Variants in COL24A1 observed in about 807,000 individuals in gnomAD.
The protein encoded by COL24A1 is collagen type XXIV alpha 1 chain, also known as collagen alpha-1(XXIV) chain.
A neutral mutation model predicts 253.9 loss-of-function variants in COL24A1; 224 were observed. The ratio of observed to expected loss-of-function variants is 0.88; its 90% confidence interval spans 0.79 to 0.99. The LOEUF (loss-of-function observed/expected upper bound fraction) is 0.99, where lower values mean the gene tolerates loss of function less well. Ranked by LOEUF, COL24A1 falls within the 50% of genes least tolerant of loss-of-function variation. The pLI is 0.00. For synonymous variants in COL24A1, 685 were observed against 673.7 expected, an observed-to-expected ratio of 1.02 and a Z score of -0.26; for missense variants, 2,131 against 2,068.5, an observed-to-expected ratio of 1.03 and a Z score of -0.59.
chr1:85,972,336 T>G (rs573444), intron 20 of COL24A1, among the ~76,000 whole-genome samples: 82,679 of 151,792 alleles, frequency 0.54, 22,770 homozygotes, highest in Admixed American at 0.59. Flanking sequence ...TGGGAATCTT[T>G]CCTTCATGTT....
intron 47 of COL24A1, among the ~76,000 whole-genome samples, chr1:85,804,274 T>C (rs746615396): frequency 6.6e-6 from 1 of 152,108 alleles, no homozygotes; most frequent in Non-Finnish European, 1.5e-5. Context: ...AGAGGGAAGA[T>C]ACAGGTAGTG....
intron 2 of COL24A1, among the ~76,000 whole-genome samples, chr1:86,132,722 T>C (rs1031451652): frequency 2.6e-5 from 4 of 152,212 alleles, no homozygotes; most frequent in Non-Finnish European, 5.9e-5. Flanking sequence ...TCCATTGGTC[T>C]ATATCTCTGT....
intron 53 of COL24A1, among the ~76,000 whole-genome samples, chr1:85,764,372 A>C (rs375694489): frequency 5.3e-5 from 8 of 152,104 alleles, no homozygotes; most frequent in East Asian, 3.9e-4. Flanking sequence ...CACAAGTCAT[A>C]GGGCGTGACT....
intron 22 of COL24A1, among the ~76,000 whole-genome samples, chr1:85,965,502 T>C (rs1328654476): frequency 6.6e-6 from 1 of 152,144 alleles, no homozygotes; most frequent in East Asian, 1.9e-4. Context: ...AGATTACTTG[T>C]ATTCTTACTG....
rs114680258 is a variant in COL24A1 at position 85,800,789 on chromosome 1, A to G, written c.3952-14328T>C. On this transcript the variant is annotated intron_variant, in intron 47 of 59. Coordinates refer to ENST00000370571, the MANE Select transcript of COL24A1 (RefSeq NM_152890.7). Reference sequence around the variant, plus strand: ...AAATCCCCATTTGAAGATGAATATAACTAATTGATCAGGCCTAGGTCAGAG... The same window carrying G: ...AAATCCCCATTTGAAGATGAATATAGCTAATTGATCAGGCCTAGGTCAGAG... Among the ~76,000 whole-genome samples, 751 of 152,286 alleles carry G rather than the reference A, an allele frequency of 4.9e-3. 6 individuals are homozygous for G. The highest frequency in any genetic ancestry group is 0.016 in the African/African-American group (668 of 41,548).
intron 1 of COL24A1, among the ~76,000 whole-genome samples, chr1:86,152,789 G>A (rs928802802): frequency 2.0e-5 from 3 of 152,178 alleles, no homozygotes; most frequent in African/African-American, 7.2e-5. Flanking sequence ...GCACATACTA[G>A]TGTTAGATAA....
intron 12 of COL24A1, among the ~76,000 whole-genome samples, chr1:86,037,982 T>C (rs1026970942): frequency 4.6e-5 from 7 of 152,160 alleles, no homozygotes; most frequent in Non-Finnish European, 7.4e-5. Context: ...AATTTTTATA[T>C]TTACTTTTTT....
rs370678164 is a variant in COL24A1 at position 85,851,614 on chromosome 1, G to A, written c.3301-2208C>T. The stretch of plus-strand genomic sequence containing the variant: ...TTCATATTTCCTATAATGCTTGATC[G>A]TATGAGACTTAAAATGGGTGCAGAA... On this transcript the variant is annotated intron_variant, in intron 37 of 59. Coordinates refer to ENST00000370571, the MANE Select transcript of COL24A1 (RefSeq NM_152890.7). Among the ~76,000 whole-genome samples the A allele has an allele frequency of 2.3e-3, 349 of 152,116 alleles. 2 individuals carry two copies. The highest frequency in any genetic ancestry group is 7.3e-3 in the African/African-American group (302 of 41,504).
In COL24A1 at chr1:86,022,987, T is replaced by A. The variant is rs1369543722; in HGVS notation, c.2070A>T (p.Gly690=). The A allele has an allele frequency of 6.2e-7, 1 of 1,612,992 alleles. No individual in the cohort carries two copies. Among genetic ancestry groups the A allele is most frequent in the Admixed American group, 1.7e-5 (1 of 59,914 alleles). The part of the protein sequence containing the change: ...PGLRGSVGPV[G]PIGPAGIPGP... ...CAGGAATTCCAGCAGGTCCAATTGGTCCCACAGGGCCAACACTGCCCTGGA... is the reference window on the plus strand; with the variant it reads ...CAGGAATTCCAGCAGGTCCAATTGGACCCACAGGGCCAACACTGCCCTGGA... The change falls in exon 15 of 60, where the codon GGA becomes GGT. Residue 690 remains glycine (G), a synonymous_variant. Coordinates refer to ENST00000370571, the MANE Select transcript of COL24A1 (RefSeq NM_152890.7).
At chr1:85,834,201 A>G (rs375588822) in intron 43 of COL24A1, among the ~76,000 whole-genome samples, 20 of 152,246 alleles carry the variant, frequency 1.3e-4, no homozygotes, top group African/African-American at 4.8e-4. Flanking sequence ...GATTCCAGAA[A>G]CATTTAAGAA....
intron 47 of COL24A1, among the ~76,000 whole-genome samples, chr1:85,794,260 T>A (rs1232593770): frequency 6.6e-6 from 1 of 152,174 alleles, no homozygotes; most frequent in African/African-American, 2.4e-5. Context: ...TAGAACCATT[T>A]TGCCTCACTT....
At chr1:85,841,343 C>A in intron 41 of COL24A1, 65 bp from the exon 42 acceptor site, 1 of 1,123,740 alleles carries the variant, frequency 8.9e-7, no homozygotes, top group South Asian at 1.5e-5. Flanking sequence ...AAACACACAA[C>A]CTACTATTTT....
chr1:86,133,762 T>C (rs187828716), intron 2 of COL24A1, among the ~76,000 whole-genome samples: 58 of 152,086 alleles, frequency 3.8e-4, no homozygotes, highest in African/African-American at 1.4e-3. Context: ...CAGTATTTTA[T>C]TGAGGATGTT....
chr1:86,115,393 G>T lies in COL24A1; in HGVS notation c.1492-15C>A. The T allele has an allele frequency of 6.2e-7, 1 of 1,612,852 alleles. No individual in the cohort carries two copies. Among genetic ancestry groups the T allele is most frequent in the Non-Finnish European group, 8.5e-7 (1 of 1,179,090 alleles). On this transcript the variant is annotated splice_polypyrimidine_tract_variant and intron_variant, in intron 3 of 59. Coordinates refer to ENST00000370571, the MANE Select transcript of COL24A1 (RefSeq NM_152890.7). Reference sequence around the variant, plus strand: ...CCAGGTGGACCCTTGGAAAACAAATGTCAAGACATTAGGCATGATAGTGGA... The same window carrying T: ...CCAGGTGGACCCTTGGAAAACAAATTTCAAGACATTAGGCATGATAGTGGA...
chr1:86,120,300 T>A (rs555468993), intron 3 of COL24A1, among the ~76,000 whole-genome samples: 5 of 152,092 alleles, frequency 3.3e-5, no homozygotes, highest in Non-Finnish European at 1.5e-5. Context: ...TGGGATCTAA[T>A]TAAACTCAAG....
intron 24 of COL24A1, among the ~76,000 whole-genome samples, chr1:85,923,939 G>A (rs970809350): frequency 2.6e-5 from 4 of 151,900 alleles, no homozygotes; most frequent in Non-Finnish European, 5.9e-5. Flanking sequence ...TAATAAAGAA[G>A]AAAAGAGAGA....
intron 2 of COL24A1, among the ~76,000 whole-genome samples, chr1:86,135,474 T>C (rs1205559783): frequency 6.6e-6 from 1 of 152,094 alleles, no homozygotes; most frequent in African/African-American, 2.4e-5. Flanking sequence ...GAATCATTGT[T>C]GTCTTCTATA....
intron 53 of COL24A1, among the ~76,000 whole-genome samples, chr1:85,773,556 T>C (rs957920631): frequency 1.3e-5 from 2 of 152,200 alleles, no homozygotes; most frequent in African/African-American, 4.8e-5. Context: ...TGAGTAGTGG[T>C]TTGTAGTTCT....
intron 24 of COL24A1, 58 bp downstream of exon 24, chr1:85,961,191 T>C (rs1342526913): frequency 8.0e-7 from 1 of 1,246,698 alleles, no homozygotes; most frequent in African/African-American, 1.5e-5. Context: ...TCATGGCTAA[T>C]ATGATTCCTA....
Sources: allele counts gnomAD v4.1 joint callset (sites outside exome capture counted in the v4.1 genomes callset), GRCh38; gene constraint gnomAD v4.1.1; transcripts MANE v1.5; gene names NCBI Gene and HGNC (gene_info 2026-07-23, HGNC 2026-07-21).